The following ADARB2 variants were observed in gnomAD, a reference collection of about 807,000 sequenced individuals.
The protein encoded by ADARB2 is inactive double-stranded RNA-specific editase B2.
A neutral mutation model predicts 62.2 loss-of-function variants in ADARB2; 25 were observed. The observed-to-expected ratio is 0.40, with a 90% CI of 0.29 to 0.56. The LOEUF (loss-of-function observed/expected upper bound fraction) is 0.56. ADARB2 is among the 20% of genes least tolerant of loss of function. The pLI is 0.43. For missense variants in ADARB2, 1,071 were observed against 1,077.4 expected, an observed-to-expected ratio of 0.99 and a Z score of 0.08; for synonymous variants, 572 against 500.8, an observed-to-expected ratio of 1.14 and a Z score of -1.90.
chr10:1,727,887 A>G (rs1346025286), intron 1 of ADARB2, among the ~76,000 whole-genome samples: 1 of 152,206 alleles, frequency 6.6e-6, no homozygotes, highest in Non-Finnish European at 1.5e-5. Context: ...CACATGAATA[A>G]ATAAATAAAT....
rs544756525 is a variant in ADARB2, at chr10:1,704,627, G to A, written c.100+32424C>T. 1.1e-3 allele frequency among the ~76,000 whole-genome samples: 161 copies of A among 152,312 alleles called. 1 individual carries two copies. The highest frequency in any genetic ancestry group is 1.7e-3 in the Non-Finnish European group (117 of 68,024). ...TGGACCAGTACCAGTCCTTGGCCCGGGGGCTGGAGACGTCTGAGTTAAAGC... is the reference window on the plus strand; with the variant it reads ...TGGACCAGTACCAGTCCTTGGCCCGAGGGCTGGAGACGTCTGAGTTAAAGC... On this transcript the variant is annotated intron_variant, in intron 1 of 9. Coordinates refer to ENST00000381312, the MANE Select transcript of ADARB2 (RefSeq NM_018702.4). The surrounding 1 kb of genome is among the most constrained non-coding windows in gnomAD (Gnocchi z 5.6).
intron 6 of ADARB2, among the ~76,000 whole-genome samples, chr10:1,218,550 C>G (rs1487664235): frequency 6.6e-6 from 1 of 152,176 alleles, no homozygotes. Context: ...CCTCACTTTC[C>G]CCCACTGACA....
At chr10:1,736,647 G>C (rs1372666747) in intron 1 of ADARB2, among the ~76,000 whole-genome samples, 1 of 152,210 alleles carries the variant, frequency 6.6e-6, no homozygotes, top group East Asian at 1.9e-4. Flanking sequence ...GGAGTAGCTG[G>C]CGCGAGGGCT....
chr10:1,285,329 G>A (rs1326724937), intron 3 of ADARB2, among the ~76,000 whole-genome samples: 1 of 152,028 alleles, frequency 6.6e-6, no homozygotes, highest in Non-Finnish European at 1.5e-5. Flanking sequence ...AAAGCAGCTC[G>A]GCTTCTCGCA....
intron 1 of ADARB2, among the ~76,000 whole-genome samples, chr10:1,607,022 C>A (rs1833502935): frequency 1.3e-5 from 2 of 152,020 alleles, no homozygotes; most frequent in South Asian, 4.2e-4. Context: ...TTAACAACAA[C>A]AAAAACAAAG....
rs369965330 is a variant in ADARB2, at chr10:1,542,161, T to C, written c.101-163001A>G. ...CAGCCGTCCAGACCCCACTCAGACG[T>C]AGTTCAGACCCTGGATCACAGCCGC... On this transcript the variant is annotated intron_variant, in intron 1 of 9. Transcript: ENST00000381312. 1.0e-3 allele frequency among the ~76,000 whole-genome samples: 17 copies of C among 16,216 alleles called. 1 individual carries two copies. The highest frequency in any genetic ancestry group is 3.2e-3 in the South Asian group (1 of 308). The allele number at this position is 16,216 out of a possible 152,430, so 10.6% of individuals were successfully genotyped here. A position where few individuals can be genotyped will look rare whatever the true frequency, so the allele number is the denominator to read the frequency against.
intron 1 of ADARB2, among the ~76,000 whole-genome samples, chr10:1,652,743 A>T (rs1444467426): frequency 2.0e-5 from 3 of 152,168 alleles, no homozygotes; most frequent in African/African-American, 2.4e-5. Context: ...AGGAAGGCTC[A>T]TTACCCATTT....
At chr10:1,415,411 G>A (rs1832793544) in intron 1 of ADARB2, among the ~76,000 whole-genome samples, 1 of 152,154 alleles carries the variant, frequency 6.6e-6, no homozygotes, top group South Asian at 2.1e-4. Context: ...ATGCATAGAT[G>A]AGTGGATGAA....
chr10:1,360,837 A>G (rs1055014332), intron 3 of ADARB2, among the ~76,000 whole-genome samples: 6 of 152,234 alleles, frequency 3.9e-5, no homozygotes, highest in African/African-American at 1.4e-4. Flanking sequence ...TCTGGGGTCA[A>G]ATGACTTTTA....
chr10:1,326,728 C>G (rs1396536095), intron 3 of ADARB2, among the ~76,000 whole-genome samples: 1 of 151,036 alleles, frequency 6.6e-6, no homozygotes, highest in Admixed American at 6.6e-5. Flanking sequence ...ACAGCGCCTC[C>G]CCATGGCACG....
At chr10:1,505,382 GT>G (rs202238668) in intron 1 of ADARB2, among the ~76,000 whole-genome samples, 205 of 138,462 alleles carry the variant, frequency 1.5e-3, no homozygotes, top group East Asian at 1.5e-3. Flanking sequence ...GAGGGTTTTT[GT>G]TTTTTTTTTT....
intron 1 of ADARB2, among the ~76,000 whole-genome samples, chr10:1,735,142 G>A (rs994737059): frequency 6.6e-6 from 1 of 152,134 alleles, no homozygotes; most frequent in African/African-American, 2.4e-5. Context: ...AAATCTCTTC[G>A]TAACAGAAAT....
intron 1 of ADARB2, among the ~76,000 whole-genome samples, chr10:1,395,475 C>T (rs78368858): frequency 0.21 from 32,090 of 152,124 alleles, 3,852 homozygotes; most frequent in East Asian, 0.45. Context: ...TCCTCCAGCC[C>T]TGATGACCGC....
intron 5 of ADARB2, chr10:1,240,672 G>C (rs934052156): frequency 8.5e-5 from 13 of 152,198 alleles, no homozygotes; most frequent in Admixed American, 7.2e-4. Flanking sequence ...CCCCTGTGCT[G>C]GTTCCCCATG....
In ADARB2 at chr10:1,225,154, C is replaced by T. The variant is rs1830732919; in HGVS notation, c.1514-8035G>A. On this transcript the variant is annotated intron_variant, in intron 6 of 9. Coordinates refer to ENST00000381312, the MANE Select transcript of ADARB2 (RefSeq NM_018702.4). ...GTTAGCTCTTCTTGTTGAATTGATC[C>T]CTTTACCATTATGTAATGGCCTTCT... is the stretch of plus-strand genomic sequence containing the variant. Among the ~76,000 whole-genome samples, 5 of 152,202 alleles carry T rather than the reference C, an allele frequency of 3.3e-5. No individual in the cohort carries two copies. The South Asian group carries it at 1.0e-3, about 32-fold the overall frequency.
intron 3 of ADARB2, among the ~76,000 whole-genome samples, chr10:1,306,147 T>G (rs1831625808): frequency 6.7e-6 from 1 of 150,124 alleles, no homozygotes; most frequent in African/African-American, 2.4e-5. Context: ...CATGATTGTA[T>G]ATCTAGAAAA....
chr10:1,625,056 T>C (rs556145668), intron 1 of ADARB2, among the ~76,000 whole-genome samples: 3 of 152,248 alleles, frequency 2.0e-5, no homozygotes, highest in African/African-American at 7.2e-5. Context: ...TTCTTTTAAC[T>C]GTCTGGGGAA....
intron 1 of ADARB2, among the ~76,000 whole-genome samples, chr10:1,484,289 A>G (rs1293652833): frequency 6.6e-6 from 1 of 152,250 alleles, no homozygotes; most frequent in East Asian, 1.9e-4. Flanking sequence ...TCTTGGGCAC[A>G]CAATTTTCTT....
rs982353602 is a variant in ADARB2, at chr10:1,506,251, G to A, written c.101-127091C>T. ...TGTTTATAAAAGTTTGAATTTTGTC[G>A]TGCGGCTCATTTCAACTTCTCCTCC... On this transcript the variant is annotated intron_variant, in intron 1 of 9. Coordinates refer to ENST00000381312, the MANE Select transcript of ADARB2 (RefSeq NM_018702.4). 4.6e-5 allele frequency among the ~76,000 whole-genome samples: 7 copies of A among 152,072 alleles called. 1 individual carries two copies. The highest frequency in any genetic ancestry group is 7.3e-5 in the Non-Finnish European group (5 of 68,030).
Sources: gnomAD v4.1 joint callset for allele counts (sites outside exome capture counted in the v4.1 genomes callset) on GRCh38, gnomAD v4.1.1 for gene constraint, Gnocchi (gnomAD v3.1) non-coding constraint, MANE v1.5 for transcripts, NCBI Gene and HGNC (gene_info 2026-07-23, HGNC 2026-07-21) for gene names.